The following N4BP2 variants were observed in gnomAD, a reference collection of about 807,000 sequenced individuals.
The protein encoded by N4BP2 is NEDD4 binding protein 2, also known as NEDD4-binding protein 2.
A neutral mutation model predicts 152.8 loss-of-function variants in N4BP2; 91 were observed. That is an observed-to-expected ratio of 0.60 (90% CI 0.50 to 0.71). The LOEUF (loss-of-function observed/expected upper bound fraction) is 0.71. Among genes scored for constraint, N4BP2 ranks in the 30% least tolerant of loss-of-function variants. The probability of loss-of-function intolerance (pLI) is 0.00; values close to 1 mark genes in which losing one functional copy is unlikely to be tolerated. For missense variants in N4BP2, 1,923 were observed against 2,059.1 expected (o/e 0.93, Z 1.28); for synonymous variants, 646 against 705.3 (o/e 0.92, Z 1.33).
intron 10 of N4BP2, 151 bp downstream of exon 10, chr4:40,123,363 T>C: frequency 1.9e-6 from 1 of 537,766 alleles, no homozygotes; most frequent in Non-Finnish European, 3.3e-6. Context: ...TGAGAGAGAA[T>C]GAACTTGTAC....
intron 16 of N4BP2, among the ~76,000 whole-genome samples, chr4:40,148,745 C>G (rs1318351795): frequency 6.6e-6 from 1 of 152,152 alleles, no homozygotes; most frequent in African/African-American, 2.4e-5. Context: ...CCACCTTGGC[C>G]TTCCAAAGTG....
intron 2 of N4BP2, among the ~76,000 whole-genome samples, chr4:40,074,169 C>A (rs1387634524): frequency 3.1e-5 from 4 of 130,396 alleles, no homozygotes; most frequent in Non-Finnish European, 5.2e-5. Context: ...TGGCTCACTG[C>A]AACTTCCGTC....
At chr4:40,148,034 A>C (rs1187701271) in intron 16 of N4BP2, among the ~76,000 whole-genome samples, 8 of 147,576 alleles carry the variant, frequency 5.4e-5, no homozygotes, top group African/African-American at 2.0e-4. Flanking sequence ...GGCTCCTCAC[A>C]TCCCAGACGG....
At chr4:40,179,759 CTTT>C in the N4BP2 span, among the ~76,000 whole-genome samples, 11 of 109,122 alleles carry the variant, frequency 1.0e-4, no homozygotes, top group African/African-American at 1.7e-4. Context: ...TAAAGCCTTT[CTTT>C]TTTTTTTTTT....
chr4:40,078,284 T>C (rs1424083718), intron 2 of N4BP2, among the ~76,000 whole-genome samples: 1 of 151,910 alleles, frequency 6.6e-6, no homozygotes, highest in Non-Finnish European at 1.5e-5. Context: ...ACTACAGTCA[T>C]GTGCCACCAT....
chr4:40,112,024 G>T, intron 5 of N4BP2, 60 bp from the exon 6 acceptor site: 1 of 879,340 alleles, frequency 1.1e-6, no homozygotes. Flanking sequence ...CAGATTTTTT[G>T]AAAATCATAA....
At chr4:40,185,174 G>A in the N4BP2 span, among the ~76,000 whole-genome samples, 1 of 152,052 alleles carries the variant, frequency 6.6e-6, no homozygotes, top group Admixed American at 6.5e-5. Context: ...TCTTCTGTAA[G>A]GGGAAATGCT....
intron 16 of N4BP2, among the ~76,000 whole-genome samples, chr4:40,147,636 G>A (rs1720701372): frequency 2.0e-5 from 3 of 147,478 alleles, no homozygotes; most frequent in African/African-American, 2.5e-5. Context: ...GGCGGGGGCT[G>A]ACCCCCCACC....
chr4:40,144,607 C>T, intron 15 of N4BP2, 25 bp from the exon 16 acceptor site: 3 of 1,567,518 alleles, frequency 1.9e-6, no homozygotes, highest in Non-Finnish European at 2.6e-6. Context: ...CAAAACTGTC[C>T]CTTGGTGATA....
chr4:40,187,281 T>C, the N4BP2 span, among the ~76,000 whole-genome samples: 1 of 148,856 alleles, frequency 6.7e-6, no homozygotes, highest in African/African-American at 2.4e-5. Flanking sequence ...GTAAATGGAA[T>C]CTTTAAAAAC....
intron 1 of N4BP2, among the ~76,000 whole-genome samples, chr4:40,070,818 GT>G (rs1003637488): frequency 2.7e-5 from 4 of 149,246 alleles, no homozygotes; most frequent in Non-Finnish European, 5.9e-5. Context: ...GCTGTGTGGT[GT>G]TTTTTTTTCT....
chr4:40,107,037 A>G lies in N4BP2; in HGVS notation c.1498+13A>G, dbSNP rs1224913405. 1 of 1,610,342 alleles carries G rather than the reference A, an allele frequency of 6.2e-7. No individual in the cohort carries two copies. Among genetic ancestry groups the G allele is most frequent in the East Asian group, 2.2e-5 (1 of 44,808 alleles). On this transcript the variant is annotated intron_variant, in intron 5 of 17. Coordinates refer to ENST00000261435, the MANE Select transcript of N4BP2 (RefSeq NM_018177.6). ...AACCAGAATCGTGGTAAGAACAGATAATCAGATTCTGGGTAACGTTATGAG... is the reference window on the plus strand; with the variant it reads ...AACCAGAATCGTGGTAAGAACAGATGATCAGATTCTGGGTAACGTTATGAG...
At chr4:40,152,235 A>ATCATTATC (rs1343967124) in intron 16 of N4BP2, among the ~76,000 whole-genome samples, 1 of 152,250 alleles carries the variant, frequency 6.6e-6, no homozygotes, top group Admixed American at 6.5e-5. Context: ...ACTAGTTGCT[A>ATCATTATC]TCATTATCCC....
At chr4:40,169,825 C>T in the N4BP2 span, among the ~76,000 whole-genome samples, 7 of 151,210 alleles carry the variant, frequency 4.6e-5, no homozygotes, top group Admixed American at 4.0e-4. Flanking sequence ...ATTAGCTGGG[C>T]GTGGTGGCAG....
intron 12 of N4BP2, among the ~76,000 whole-genome samples, chr4:40,130,380 T>C (rs1718806561): frequency 6.6e-6 from 1 of 152,218 alleles, no homozygotes; most frequent in African/African-American, 2.4e-5. Flanking sequence ...TCTTGTTGTA[T>C]GTTCAGCTTT....
chr4:40,125,553 A>G (rs1481653945), intron 11 of N4BP2, among the ~76,000 whole-genome samples: 1 of 152,152 alleles, frequency 6.6e-6, no homozygotes, highest in Non-Finnish European at 1.5e-5. Context: ...GGTTGATATG[A>G]TATGAAAAAG....
At chr4:40,068,802 C>A (rs1232395006) in intron 1 of N4BP2, among the ~76,000 whole-genome samples, 1 of 152,126 alleles carries the variant, frequency 6.6e-6, no homozygotes, top group African/African-American at 2.4e-5. Flanking sequence ...TATTTGGGAT[C>A]CTTCTCATAA....
At chr4:40,061,062 A>T (rs1385259768) in intron 1 of N4BP2, among the ~76,000 whole-genome samples, 1 of 151,758 alleles carries the variant, frequency 6.6e-6, no homozygotes, top group Admixed American at 6.6e-5. Context: ...CAATCCTCCC[A>T]CCTTGGCCTC....
At chr4:40,171,238 C>T in the N4BP2 span, among the ~76,000 whole-genome samples, 1 of 152,188 alleles carries the variant, frequency 6.6e-6, no homozygotes, top group African/African-American at 2.4e-5. Context: ...TCACTTTCAT[C>T]GTTTGTCCAT....
Sources: gnomAD v4.1 joint callset for allele counts (sites outside exome capture counted in the v4.1 genomes callset) on GRCh38, gnomAD v4.1.1 for gene constraint, MANE v1.5 for transcripts, NCBI Gene and HGNC (gene_info 2026-07-23, HGNC 2026-07-21) for gene names.